CTNNA2: variants seen among roughly 807,000 people sequenced by gnomAD.
The protein encoded by CTNNA2 is catenin alpha-2.
CTNNA2 carries 42 observed loss-of-function variants against 101.0 expected under a neutral mutation model. The observed-to-expected ratio is 0.42, with a 90% CI of 0.32 to 0.54. The LOEUF (loss-of-function observed/expected upper bound fraction) is 0.54. CTNNA2 is among the 20% of genes least tolerant of loss of function. The pLI, the probability that CTNNA2 is intolerant of heterozygous loss-of-function variation, is 0.14. For missense variants in CTNNA2, 871 were observed against 1,223.1 expected (o/e 0.71, Z 4.29); for synonymous variants, 450 against 456.4 (o/e 0.99, Z 0.18).
At chr2:80,341,036 A>C (rs1672189340) in intron 7 of CTNNA2, among the ~76,000 whole-genome samples, 1 of 152,234 alleles carries the variant, frequency 6.6e-6, no homozygotes, top group African/African-American at 2.4e-5. Flanking sequence ...ACACAGGGCA[A>C]GGTCCAGAAG....
At chr2:80,116,149 A>G (rs1900266) in intron 7 of CTNNA2, among the ~76,000 whole-genome samples, 1,852 of 152,154 alleles carry the variant, frequency 0.012, 68 homozygotes, top group Admixed American at 0.065. Context: ...CAATATCATT[A>G]TAGCACAAAA....
At chr2:79,291,428 A>C (rs1175168632) in intron 2 of CTNNA2, among the ~76,000 whole-genome samples, 1 of 152,108 alleles carries the variant, frequency 6.6e-6, no homozygotes, top group African/African-American at 2.4e-5. Flanking sequence ...CTCCTTCCTC[A>C]CACCTGGGCC....
At chr2:80,463,944 C>T (rs763787798) in intron 9 of CTNNA2, among the ~76,000 whole-genome samples, 2 of 152,150 alleles carry the variant, frequency 1.3e-5, no homozygotes, top group Non-Finnish European at 2.9e-5. Context: ...ACTGAGGTTT[C>T]AGGAATGAAG....
chr2:80,148,392 G>T (rs984853082), intron 7 of CTNNA2, among the ~76,000 whole-genome samples: 1 of 152,212 alleles, frequency 6.6e-6, no homozygotes, highest in Non-Finnish European at 1.5e-5. Flanking sequence ...GAATCCCAAA[G>T]AATACAAAGG....
intron 4 of CTNNA2, among the ~76,000 whole-genome samples, chr2:79,408,667 A>T (rs866097754): frequency 3.3e-5 from 5 of 151,690 alleles, no homozygotes; most frequent in Admixed American, 6.6e-5. Flanking sequence ...CCATGGTGTA[A>T]ATGTGCCACA....
intron 7 of CTNNA2, among the ~76,000 whole-genome samples, chr2:80,109,376 G>A (rs977896316): frequency 1.3e-5 from 2 of 152,134 alleles, no homozygotes; most frequent in African/African-American, 4.8e-5. Flanking sequence ...CAGGAGAATT[G>A]CTTGAACCTG....
At chr2:80,203,914 A>G (rs1707365802) in intron 7 of CTNNA2, among the ~76,000 whole-genome samples, 1 of 152,140 alleles carries the variant, frequency 6.6e-6, no homozygotes, top group African/African-American at 2.4e-5. Flanking sequence ...AGGTTCCCAA[A>G]TCCCAATTCT....
intron 7 of CTNNA2, among the ~76,000 whole-genome samples, chr2:80,346,041 T>C (rs1227976422): frequency 6.6e-6 from 1 of 152,242 alleles, no homozygotes; most frequent in Non-Finnish European, 1.5e-5. Flanking sequence ...TGGAACTCAT[T>C]TCTGATCACA....
At chr2:80,568,499 A>G (rs1445732993) in intron 12 of CTNNA2, among the ~76,000 whole-genome samples, 1 of 151,874 alleles carries the variant, frequency 6.6e-6, no homozygotes, top group Non-Finnish European at 1.5e-5. Context: ...TCATATGTGA[A>G]ACAGTTGACA....
intron 3 of CTNNA2, among the ~76,000 whole-genome samples, chr2:79,800,351 C>T (rs969972651): frequency 6.6e-6 from 1 of 152,176 alleles, no homozygotes; most frequent in African/African-American, 2.4e-5. Context: ...TTCTCCCTTG[C>T]ATTGAGATAT....
intron 1 of CTNNA2, among the ~76,000 whole-genome samples, chr2:79,190,129 T>C (rs1028631544): frequency 4.6e-5 from 7 of 152,184 alleles, no homozygotes; most frequent in African/African-American, 1.7e-4. Flanking sequence ...CTCTGACCCA[T>C]GGATTGTTTA....
intron 9 of CTNNA2, among the ~76,000 whole-genome samples, chr2:80,521,541 A>G (rs978577120): frequency 2.0e-5 from 3 of 152,322 alleles, no homozygotes; most frequent in East Asian, 3.9e-4. Context: ...GGTGGGCCCA[A>G]TGTAATCACA....
chr2:80,209,200 T>A (rs1010547789), intron 7 of CTNNA2, among the ~76,000 whole-genome samples: 35 of 147,460 alleles, frequency 2.4e-4, no homozygotes, highest in Non-Finnish European at 4.0e-4. Flanking sequence ...TTTTTTTTTT[T>A]AATTCTTTTT....
At chr2:79,517,747 C>T (rs925653102) in intron 1 of CTNNA2, among the ~76,000 whole-genome samples, 17 of 152,176 alleles carry the variant, frequency 1.1e-4, no homozygotes, top group Admixed American at 5.2e-4. Context: ...AATTATTACT[C>T]ATAACACATT....
intron 2 of CTNNA2, among the ~76,000 whole-genome samples, chr2:79,708,650 T>G (rs1255323805): frequency 6.6e-6 from 1 of 151,550 alleles, no homozygotes; most frequent in Non-Finnish European, 1.5e-5. Context: ...GCAATTCATA[T>G]ACTGTAATTT....
intron 7 of CTNNA2, among the ~76,000 whole-genome samples, chr2:80,203,706 C>T (rs138363868): frequency 1.8e-3 from 272 of 152,340 alleles, no homozygotes; most frequent in East Asian, 0.014. Context: ...AGTTACCACT[C>T]TGGTTTCTGG....
chr2:80,486,427 G>GT (rs1686588871), intron 9 of CTNNA2, among the ~76,000 whole-genome samples: 1 of 151,810 alleles, frequency 6.6e-6, no homozygotes, highest in African/African-American at 2.4e-5. Flanking sequence ...TAATAACCAT[G>GT]GAAACACATT....
chr2:79,527,006 T>A (rs1672444588), intron 1 of CTNNA2, among the ~76,000 whole-genome samples: 1 of 152,018 alleles, frequency 6.6e-6, no homozygotes, highest in Non-Finnish European at 1.5e-5. Context: ...TAATGTAAAT[T>A]TGACTTTATC....
intron 7 of CTNNA2, among the ~76,000 whole-genome samples, chr2:80,288,018 A>G (rs1674917371): frequency 6.6e-6 from 1 of 152,110 alleles, no homozygotes; most frequent in African/African-American, 2.4e-5. Context: ...TTTGATCTTG[A>G]TACTCAAATC....
Sources: allele counts gnomAD v4.1 joint callset (sites outside exome capture counted in the v4.1 genomes callset), GRCh38; gene constraint gnomAD v4.1.1; transcripts MANE v1.5; gene names NCBI Gene and HGNC (gene_info 2026-07-23, HGNC 2026-07-21).